The following CADM1 variants were observed in gnomAD, a reference collection of about 807,000 sequenced individuals.
The protein encoded by CADM1 is TSLC-1.
CADM1 carries 15 observed loss-of-function variants against 53.1 expected under a neutral mutation model. The observed-to-expected ratio is 0.28, with a 90% CI of 0.19 to 0.44. The LOEUF is 0.44. CADM1 is among the 20% of genes least tolerant of loss of function. The pLI is 1.00. For missense variants in CADM1, 434 were observed against 611.3 expected, an observed-to-expected ratio of 0.71 and a Z score of 3.06; for synonymous variants, 281 against 243.0, an observed-to-expected ratio of 1.16 and a Z score of -1.45.
At chr11:115,351,457 A>C (rs1040653420) in intron 1 of CADM1, among the ~76,000 whole-genome samples, 6 of 152,188 alleles carry the variant, frequency 3.9e-5, no homozygotes, top group African/African-American at 1.4e-4. Flanking sequence ...CAGGGTACAG[A>C]ATTTGGTGTC....
chr11:115,173,689 CTTTT>C lies in CADM1; in HGVS notation c.*2781_*2784del, dbSNP rs11417765. ...ATATTTTATAGTACTTCTTTTTTTT[CTTTT>C]TTTTTTTGTAAAAATGGTATACATG... On this transcript the variant is annotated 3_prime_UTR_variant, in exon 12 of 12. Transcript: ENST00000331581. The C allele has an allele frequency of 6.4e-6, 3 of 469,498 alleles. No homozygotes were observed. Among genetic ancestry groups the C allele is most frequent in the African/African-American group, 4.3e-5 (2 of 46,130 alleles). The allele number at this position is 469,498 out of a possible 1,614,324, so 29.1% of individuals were successfully genotyped here.
At chr11:115,298,001 G>A (rs1004866907) in intron 1 of CADM1, among the ~76,000 whole-genome samples, 1 of 152,198 alleles carries the variant, frequency 6.6e-6, no homozygotes, top group Admixed American at 6.5e-5. Flanking sequence ...TAAAATAAGA[G>A]TGGATTCTCT....
intron 1 of CADM1, chr11:115,240,742 G>A (rs1757781416): frequency 2.9e-6 from 1 of 346,402 alleles, no homozygotes; most frequent in Admixed American, 4.1e-5. Context: ...TTTTGTGAAT[G>A]CTGAATCTCT....
At chr11:115,350,629 A>G (rs906268305) in intron 1 of CADM1, among the ~76,000 whole-genome samples, 1 of 138,018 alleles carries the variant, frequency 7.2e-6, no homozygotes, top group African/African-American at 2.5e-5. Context: ...AGTTTGTCCC[A>G]TACTAACTAA....
intron 9 of CADM1, among the ~76,000 whole-genome samples, chr11:115,196,356 A>G (rs1940144153): frequency 6.6e-6 from 1 of 152,094 alleles, no homozygotes; most frequent in East Asian, 1.9e-4. Context: ...CAACTCTGAG[A>G]CCTACATCCA....
intron 1 of CADM1, among the ~76,000 whole-genome samples, chr11:115,464,420 T>A (rs1348896617): frequency 6.6e-6 from 1 of 152,206 alleles, no homozygotes; most frequent in Non-Finnish European, 1.5e-5. Context: ...ACATTAGTCA[T>A]GTCCCTTAAG....
intron 1 of CADM1, among the ~76,000 whole-genome samples, chr11:115,253,858 T>G (rs1237005760): frequency 6.6e-6 from 1 of 152,216 alleles, no homozygotes; most frequent in African/African-American, 2.4e-5. Context: ...ATTACATGGA[T>G]AGCTCTGTGA....
In CADM1 at chr11:115,360,424, C is replaced by T. The variant is rs190767164; in HGVS notation, c.125-120004G>A. Among the ~76,000 whole-genome samples the T allele has an allele frequency of 5.7e-4, 87 of 152,274 alleles. 1 individual carries two copies. Among genetic ancestry groups the T allele is most frequent in the African/African-American group, 2.0e-3 (83 of 41,568 alleles). Reference sequence around the variant, plus strand: ...AATGATAACAGGGCCTGTACATGAACAGCATCAAATGGGTTACTTGAGACA... The same window carrying T: ...AATGATAACAGGGCCTGTACATGAATAGCATCAAATGGGTTACTTGAGACA... On this transcript the variant is annotated intron_variant, in intron 1 of 11. Coordinates refer to ENST00000331581, the MANE Select transcript of CADM1 (RefSeq NM_001301043.2).
intron 1 of CADM1, among the ~76,000 whole-genome samples, chr11:115,388,772 A>C (rs1447050107): frequency 1.3e-5 from 2 of 152,146 alleles, no homozygotes; most frequent in Non-Finnish European, 2.9e-5. Flanking sequence ...AAAGACAAAG[A>C]AAGCCTGAAG....
intron 1 of CADM1, among the ~76,000 whole-genome samples, chr11:115,335,805 T>C (rs1460088018): frequency 2.6e-5 from 4 of 152,142 alleles, no homozygotes; most frequent in Non-Finnish European, 5.9e-5. Flanking sequence ...TCACCACCAA[T>C]ATCATAAGAA....
At chr11:115,193,829 C>T (rs926247304) in intron 9 of CADM1, 2 of 152,134 alleles carry the variant, frequency 1.3e-5, no homozygotes, top group African/African-American at 4.8e-5. Context: ...GCGATGGTCT[C>T]TCTCTTACCT....
intron 1 of CADM1, among the ~76,000 whole-genome samples, chr11:115,448,948 T>C (rs149275284): frequency 6.4e-4 from 97 of 152,302 alleles, no homozygotes; most frequent in African/African-American, 2.2e-3. Context: ...AGAAAAGCTA[T>C]CACCTTAGAC....
intron 1 of CADM1, among the ~76,000 whole-genome samples, chr11:115,463,000 C>G (rs1383060428): frequency 6.6e-6 from 1 of 152,174 alleles, no homozygotes. Context: ...ATAAATTGAG[C>G]TAGAGCTCAT....
At position 115,364,831 on chromosome 11, in the gene CADM1, C is replaced by T. The variant is rs569038375; in HGVS notation, c.125-124411G>A. ...ATAATATATGTACAAAGTAGTAAAACGAACAATTCAGAACTTATTAATGTT... is the reference window on the plus strand; with the variant it reads ...ATAATATATGTACAAAGTAGTAAAATGAACAATTCAGAACTTATTAATGTT... On this transcript the variant is annotated intron_variant, in intron 1 of 11. Coordinates refer to ENST00000331581, the MANE Select transcript of CADM1 (RefSeq NM_001301043.2). Among the ~76,000 whole-genome samples the T allele has an allele frequency of 9.2e-5, 14 of 152,238 alleles. No homozygotes were observed. The South Asian group carries it at 1.0e-3, about 11-fold the overall frequency.
chr11:115,348,535 G>A (rs554788235), intron 1 of CADM1, among the ~76,000 whole-genome samples: 7 of 152,252 alleles, frequency 4.6e-5, no homozygotes, highest in African/African-American at 1.7e-4. Context: ...ACCACTTGAA[G>A]GCTTGCGGTA....
intron 7 of CADM1, among the ~76,000 whole-genome samples, chr11:115,210,698 A>G (rs1242802962): frequency 2.6e-5 from 4 of 152,200 alleles, no homozygotes; most frequent in African/African-American, 9.6e-5. Flanking sequence ...GTGTCCTTTT[A>G]TCTTCAAGTG....
Position 115,174,461 on chromosome 11 carries a change from T to G in CADM1, c.*2013A>C, listed in dbSNP as rs1289005734. On this transcript the variant is annotated 3_prime_UTR_variant, in exon 12 of 12. Coordinates refer to ENST00000331581, the MANE Select transcript of CADM1 (RefSeq NM_001301043.2). ...AAAAGGGATGTTCATTGTGGCTTTTTGTCTTGGTTAAGTGCCTAGGGATAG... is the reference window on the plus strand; with the variant it reads ...AAAAGGGATGTTCATTGTGGCTTTTGGTCTTGGTTAAGTGCCTAGGGATAG... 3 of 985,718 alleles carry G rather than the reference T, an allele frequency of 3.0e-6. No homozygotes were observed. The highest frequency in any genetic ancestry group is 3.6e-6 in the Non-Finnish European group (3 of 829,940). The allele number at this position is 985,718 out of a possible 1,614,324, so 61.1% of individuals were successfully genotyped here. A position where few individuals can be genotyped will look rare whatever the true frequency, so the allele number is the denominator to read the frequency against.
chr11:115,318,867 T>G (rs1944745753), intron 1 of CADM1, among the ~76,000 whole-genome samples: 3 of 152,160 alleles, frequency 2.0e-5, no homozygotes, highest in Non-Finnish European at 4.4e-5. Flanking sequence ...ACATAAGCAT[T>G]TTAAGTATCT....
intron 1 of CADM1, among the ~76,000 whole-genome samples, chr11:115,249,865 C>T (rs745969585): frequency 2.0e-5 from 3 of 152,152 alleles, no homozygotes; most frequent in African/African-American, 4.8e-5. Context: ...CCCCCTGAGT[C>T]GTAAGTATAT....
Sources: allele counts gnomAD v4.1 joint callset (sites outside exome capture counted in the v4.1 genomes callset), GRCh38; gene constraint gnomAD v4.1.1; transcripts MANE v1.5; gene names NCBI Gene and HGNC (gene_info 2026-07-23, HGNC 2026-07-21).